The following FBXL7 variants were observed in gnomAD, a reference collection of about 807,000 sequenced individuals.
FBXL7 encodes F-box and leucine rich repeat protein 7.
In FBXL7, 12 loss-of-function variants were observed where a neutral mutation model predicts 38.3. The observed-to-expected ratio is 0.31, with a 90% CI of 0.20 to 0.51. FBXL7 has a LOEUF of 0.51. Ranked by LOEUF, FBXL7 falls within the 20% of genes least tolerant of loss-of-function variation. The pLI, the probability that FBXL7 is intolerant of heterozygous loss-of-function variation, is 0.98. For missense variants in FBXL7, 567 were observed against 676.4 expected (o/e 0.84, Z 1.79); for synonymous variants, 297 against 300.9 (o/e 0.99, Z 0.13).
Position 15,938,484 on chromosome 5 carries a change from C to T in FBXL7, c.*1298C>T, listed in dbSNP as rs1282102838. ...TTTATTTCTTTATACATCCAGACTT[C>T]ATCACATGAAGCCTATTGGGGTTAA... On this transcript the variant is annotated 3_prime_UTR_variant, in exon 4 of 4. Transcript: ENST00000504595. 1 of 152,288 alleles carries T rather than the reference C, an allele frequency of 6.6e-6. No individual in the cohort carries two copies. Among genetic ancestry groups the T allele is most frequent in the East Asian group, 1.9e-4 (1 of 5,182 alleles). The allele number at this position is 152,288 out of a possible 1,614,324, so 9.4% of individuals were successfully genotyped here. A position where few individuals can be genotyped will look rare whatever the true frequency, so the allele number is the denominator to read the frequency against.
chr5:15,571,455 T>G (rs1162572572), intron 1 of FBXL7, among the ~76,000 whole-genome samples: 1 of 152,114 alleles, frequency 6.6e-6, no homozygotes, highest in African/African-American at 2.4e-5. Flanking sequence ...GATAGTCAGG[T>G]GGAAATAGGG....
chr5:15,928,304 C>A lies in FBXL7; in HGVS notation c.542C>A (p.Thr181Asn). ...CTGACCCGCAGACTCTGCCAGGACA[C>A]CCCCAACGTGTGTCTCATGCTGGAA... ...KVLTRRLCQD[T>N]PNVCLMLETV... is the part of the protein sequence containing the mutation. Residue 181 changes from threonine (T) to asparagine (N), a missense_variant, in exon 3 of 4, where the codon ACC becomes AAC. Coordinates refer to ENST00000504595, the MANE Select transcript of FBXL7 (RefSeq NM_012304.5). This position sits in a 1 kb window ranked among gnomAD's most constrained non-coding sequence, Gnocchi z 4.0. The A allele has an allele frequency of 6.2e-7, 1 of 1,613,588 alleles. No individual in the cohort carries two copies. The highest frequency in any genetic ancestry group is 8.5e-7 in the Non-Finnish European group (1 of 1,179,708).
At chr5:15,880,520 C>T (rs1407439434) in intron 2 of FBXL7, among the ~76,000 whole-genome samples, 1 of 152,126 alleles carries the variant, frequency 6.6e-6, no homozygotes, top group Non-Finnish European at 1.5e-5. Flanking sequence ...TGAGAGGAAG[C>T]ATTTAGAAAC....
chr5:15,903,433 T>C (rs555047458), intron 2 of FBXL7, among the ~76,000 whole-genome samples: 1 of 152,314 alleles, frequency 6.6e-6, no homozygotes, highest in South Asian at 2.1e-4. Flanking sequence ...TATGTATAAA[T>C]GTGAAAGTCT....
At chr5:15,711,831 A>G (rs1297321651) in intron 2 of FBXL7, among the ~76,000 whole-genome samples, 4 of 152,262 alleles carry the variant, frequency 2.6e-5, no homozygotes, top group Non-Finnish European at 5.9e-5. Context: ...GAGTTGAGAA[A>G]CATATAAAAA....
intron 2 of FBXL7, among the ~76,000 whole-genome samples, chr5:15,880,479 A>G (rs1300567446): frequency 6.6e-6 from 1 of 152,180 alleles, no homozygotes; most frequent in Non-Finnish European, 1.5e-5. Flanking sequence ...GGAACTATGC[A>G]ACCCAGTGAC....
chr5:15,554,178 A>G (rs1363483027), intron 1 of FBXL7, among the ~76,000 whole-genome samples: 1 of 151,992 alleles, frequency 6.6e-6, no homozygotes. Flanking sequence ...TTGAGAATGG[A>G]TTTGTTGAGG....
chr5:15,649,217 G>A (rs1017416683), intron 2 of FBXL7, among the ~76,000 whole-genome samples: 3 of 152,030 alleles, frequency 2.0e-5, no homozygotes, highest in South Asian at 4.2e-4. Flanking sequence ...GGCTGGTCTC[G>A]AACTCCTGAC....
intron 1 of FBXL7, among the ~76,000 whole-genome samples, chr5:15,560,817 CCA>C (rs2126436854): frequency 6.6e-6 from 1 of 152,196 alleles, no homozygotes; most frequent in Non-Finnish European, 1.5e-5. Context: ...TGTGCTCATT[CCA>C]GTTTTGCTAC....
chr5:15,928,518 C>T lies in FBXL7; in HGVS notation c.739+17C>T, dbSNP rs143490421. ...ATGTGTCAGGTAAATGGACACTGACCTACCAGCTATGGGCCCTCCTGGTGC... is the reference window on the plus strand; with the variant it reads ...ATGTGTCAGGTAAATGGACACTGACTTACCAGCTATGGGCCCTCCTGGTGC... On this transcript the variant is annotated intron_variant, in intron 3 of 3. Transcript: ENST00000504595. This position sits in a 1 kb window ranked among gnomAD's most constrained non-coding sequence, Gnocchi z 4.0. 6.3e-4 allele frequency: 1,011 copies of T among 1,597,300 alleles called. 9 individuals are homozygous for T. In the East Asian group the frequency reaches 0.019, roughly 30 times the overall value.
At chr5:15,848,573 G>T (rs1738993296) in intron 2 of FBXL7, among the ~76,000 whole-genome samples, 1 of 152,054 alleles carries the variant, frequency 6.6e-6, no homozygotes, top group Non-Finnish European at 1.5e-5. Flanking sequence ...GTAGAGATGG[G>T]GTTTCACCAC....
At chr5:15,877,433 C>A (rs1441869836) in intron 2 of FBXL7, among the ~76,000 whole-genome samples, 2 of 152,158 alleles carry the variant, frequency 1.3e-5, no homozygotes, top group African/African-American at 4.8e-5. Flanking sequence ...TGTTAATTTT[C>A]ATGAGGGATT....
At chr5:15,791,928 TG>T (rs1737287692) in intron 2 of FBXL7, among the ~76,000 whole-genome samples, 2 of 152,180 alleles carry the variant, frequency 1.3e-5, no homozygotes, top group South Asian at 4.1e-4. Flanking sequence ...GTGGGTCTGC[TG>T]GTGGAACAAT....
At position 15,928,364 on chromosome 5, in the gene FBXL7, AC is replaced by A; in HGVS notation, c.604del (p.Arg202GlufsTer13). The A allele has an allele frequency of 6.2e-7, 1 of 1,613,998 alleles. No individual in the cohort carries two copies. The highest frequency in any genetic ancestry group is 8.5e-7 in the Non-Finnish European group (1 of 1,179,882). ...VTVSGCRRLT[D>X]RGLYTIAQCC... is the part of the protein sequence containing the mutation. The stretch of plus-strand genomic sequence containing the variant: ...GTCAGTGGCTGCAGGCGGCTCACAG[AC>A]CGAGGGCTGTACACCATCGCCCAGT... On this transcript the variant is annotated frameshift_variant, in exon 3 of 4. Transcript: ENST00000504595. LOFTEE classifies it high-confidence loss of function. This position sits in a 1 kb window ranked among gnomAD's most constrained non-coding sequence, Gnocchi z 4.0.
At chr5:15,846,788 T>C (rs1327282941) in intron 2 of FBXL7, among the ~76,000 whole-genome samples, 1 of 152,214 alleles carries the variant, frequency 6.6e-6, no homozygotes, top group Non-Finnish European at 1.5e-5. Context: ...TCATCTGTTA[T>C]ATACAGACAG....
chr5:15,710,803 G>A (rs1301210129), intron 2 of FBXL7, among the ~76,000 whole-genome samples: 1 of 152,164 alleles, frequency 6.6e-6, no homozygotes, highest in Non-Finnish European at 1.5e-5. Context: ...AGACAGCTCT[G>A]GAGGCTTGAA....
At chr5:15,550,163 T>A (rs1303412350) in intron 1 of FBXL7, among the ~76,000 whole-genome samples, 2 of 152,216 alleles carry the variant, frequency 1.3e-5, no homozygotes, top group African/African-American at 4.8e-5. Flanking sequence ...AATAAAAATA[T>A]CCTTGAAGAA....
Position 15,930,214 on chromosome 5 carries a change from G to A in FBXL7, c.739+1713G>A, listed in dbSNP as rs75162366. ...GGTTTTCTTACATTTTTCCTCCAAG[G>A]AATTCTGGAAAGAGAAAATGTTGTG... On this transcript the variant is annotated intron_variant, in intron 3 of 3. Coordinates refer to ENST00000504595, the MANE Select transcript of FBXL7 (RefSeq NM_012304.5). Among the ~76,000 whole-genome samples, 565 of 152,252 alleles carry A rather than the reference G, an allele frequency of 3.7e-3. 6 individuals carry two copies. The highest frequency in any genetic ancestry group is 0.013 in the African/African-American group (545 of 41,548).
Position 15,917,676 on chromosome 5 carries a change from A to G in FBXL7, c.128-10214A>G, listed in dbSNP as rs1306048647. Among the ~76,000 whole-genome samples the G allele has an allele frequency of 1.7e-3, 250 of 149,850 alleles. 3 individuals carry two copies. Among genetic ancestry groups the G allele is most frequent in the African/African-American group, 4.7e-3 (190 of 40,472 alleles). ...AAGGAAGGAAGGAAGGAAGGAAGGAAGGAAGGAAGGAAGGAAGGAAGAAAG... is the reference window on the plus strand; with the variant it reads ...AAGGAAGGAAGGAAGGAAGGAAGGAGGGAAGGAAGGAAGGAAGGAAGAAAG... On this transcript the variant is annotated intron_variant, in intron 2 of 3. Coordinates refer to ENST00000504595, the MANE Select transcript of FBXL7 (RefSeq NM_012304.5).
Sources: gnomAD v4.1 joint callset for allele counts (sites outside exome capture counted in the v4.1 genomes callset) on GRCh38, gnomAD v4.1.1 for gene constraint, Gnocchi (gnomAD v3.1) non-coding constraint, MANE v1.5 for transcripts, NCBI Gene and HGNC (gene_info 2026-07-23, HGNC 2026-07-21) for gene names.